ANO2: variants seen among roughly 807,000 people sequenced by gnomAD.
ANO2 encodes anoctamin 2, also known as anoctamin-2.
Under a neutral mutation model 124.2 loss-of-function variants are expected in ANO2, and 101 were observed. That is an observed-to-expected ratio of 0.81 (90% CI 0.69 to 0.96). The LOEUF is 0.96. Among genes scored for constraint, ANO2 ranks in the 40% least tolerant of loss-of-function variants. ANO2 has a pLI of 0.00. For missense variants in ANO2, 1,293 were observed against 1,274.5 expected, an observed-to-expected ratio of 1.01 and a Z score of -0.22; for synonymous variants, 486 against 482.5, an observed-to-expected ratio of 1.01 and a Z score of -0.09.
chr12:5,685,138 CCACTCCTGGGCTG>C (rs1311063853), intron 14 of ANO2, among the ~76,000 whole-genome samples: 5 of 152,178 alleles, frequency 3.3e-5, no homozygotes, highest in South Asian at 2.1e-4. Context: ...CGAGTCCTGT[CCACTCCTGGGCTG>C]GTGAGTGGCA....
At chr12:5,640,558 T>G (rs868056378) in intron 15 of ANO2, among the ~76,000 whole-genome samples, 101 of 152,008 alleles carry the variant, frequency 6.6e-4, no homozygotes, top group Middle Eastern at 6.8e-3. Flanking sequence ...TCAAAAAGGG[T>G]GCAAAGGATA....
intron 14 of ANO2, among the ~76,000 whole-genome samples, chr12:5,686,075 G>T (rs1023598657): frequency 1.3e-5 from 2 of 152,172 alleles, no homozygotes; most frequent in African/African-American, 4.8e-5. Flanking sequence ...AGGCAAGGGG[G>T]ATAACCTCCA....
chr12:5,840,844 C>T (rs1184910432), intron 4 of ANO2, among the ~76,000 whole-genome samples: 2 of 152,140 alleles, frequency 1.3e-5, no homozygotes, highest in African/African-American at 2.4e-5. Flanking sequence ...GCTGGATCAT[C>T]GAAGTTCCAT....
intron 14 of ANO2, among the ~76,000 whole-genome samples, chr12:5,690,047 G>C (rs1211321594): frequency 6.6e-6 from 1 of 152,074 alleles, no homozygotes; most frequent in African/African-American, 2.4e-5. Flanking sequence ...CCCTGTACAA[G>C]CAGGCACAGC....
intron 12 of ANO2, chr12:5,739,805 T>C (rs1951025555): frequency 8.9e-6 from 4 of 450,402 alleles, no homozygotes; most frequent in Non-Finnish European, 4.5e-6. Context: ...GCACTGTCAC[T>C]TTTTCCCTAC....
chr12:5,615,345 C>CCCAA, intron 16 of ANO2, 48 bp from the exon 17 acceptor site: 1 of 1,460,994 alleles, frequency 6.8e-7, no homozygotes, highest in Non-Finnish European at 9.5e-7. Context: ...GATTTCTCAC[C>CCCAA]TCTCCAGAGT....
chr12:5,665,088 C>T (rs1462174518), intron 14 of ANO2, among the ~76,000 whole-genome samples: 3 of 152,080 alleles, frequency 2.0e-5, no homozygotes, highest in Non-Finnish European at 2.9e-5. Context: ...CTTGCATCTC[C>T]GTGACATTCT....
chr12:5,648,448 G>A (rs1315523571), intron 14 of ANO2, among the ~76,000 whole-genome samples: 1 of 152,168 alleles, frequency 6.6e-6, no homozygotes, highest in Non-Finnish European at 1.5e-5. Flanking sequence ...CAACTTGGCT[G>A]AGAATCCTAC....
At chr12:5,739,423 A>C in intron 12 of ANO2, 24 bp from the exon 13 acceptor site, 1 of 1,564,946 alleles carries the variant, frequency 6.4e-7, no homozygotes, top group South Asian at 1.2e-5. Context: ...ACAAGAACAA[A>C]AACCTTGATT....
At chr12:5,657,789 CA>C (rs1166120467) in intron 14 of ANO2, among the ~76,000 whole-genome samples, 1 of 151,020 alleles carries the variant, frequency 6.6e-6, no homozygotes, top group Non-Finnish European at 1.5e-5. Context: ...AATAATCTGG[CA>C]GCCAATGCTA....
chr12:5,914,028 T>C (rs565217049), intron 3 of ANO2, among the ~76,000 whole-genome samples: 26 of 151,898 alleles, frequency 1.7e-4, no homozygotes, highest in Non-Finnish European at 2.6e-4. Context: ...GGTGAAACCC[T>C]GTCTCTACTA....
intron 20 of ANO2, among the ~76,000 whole-genome samples, chr12:5,586,349 G>A (rs1040894205): frequency 2.6e-5 from 4 of 152,292 alleles, no homozygotes; most frequent in African/African-American, 4.8e-5. Context: ...GTGTTTAAAC[G>A]CCATTTGGAG....
rs1242367259 is a variant in ANO2 at position 5,563,164 on chromosome 12, A to G, written c.*135T>C. On this transcript the variant is annotated 3_prime_UTR_variant, in exon 25 of 25. Transcript: ENST00000682330. ...ATTCTGTCAGGCTCTTTCTTTTTAC[A>G]CACTGCCCCCTCTTCAAGACCCCAT... The G allele has an allele frequency of 5.0e-5, 59 of 1,180,110 alleles. No individual in the cohort carries two copies. Among genetic ancestry groups the G allele is most frequent in the Non-Finnish European group, 6.8e-5 (59 of 865,678 alleles). 73.1% of individuals were successfully genotyped at this position (1,180,110 alleles called of 1,614,324 possible).
chr12:5,576,652 C>G (rs1231345941), intron 22 of ANO2, among the ~76,000 whole-genome samples: 1 of 152,216 alleles, frequency 6.6e-6, no homozygotes, highest in African/African-American at 2.4e-5. Context: ...TCTAAGTGCT[C>G]TATAAATGTC....
At chr12:5,933,260 A>G (rs1161298374) in intron 1 of ANO2, among the ~76,000 whole-genome samples, 2 of 152,206 alleles carry the variant, frequency 1.3e-5, no homozygotes, top group East Asian at 3.9e-4. Context: ...GAAACTCCAG[A>G]GAATGAACTG....
intron 19 of ANO2, among the ~76,000 whole-genome samples, chr12:5,606,252 G>A (rs1565465818): frequency 6.6e-6 from 1 of 152,152 alleles, no homozygotes; most frequent in Non-Finnish European, 1.5e-5. Context: ...GGAAGATCCT[G>A]CACTTGGCCT....
intron 3 of ANO2, among the ~76,000 whole-genome samples, chr12:5,857,223 T>G (rs987045976): frequency 6.6e-6 from 1 of 152,204 alleles, no homozygotes; most frequent in Non-Finnish European, 1.5e-5. Flanking sequence ...GCCCTGCCTG[T>G]GGATGTGGGT....
At chr12:5,777,828 G>A (rs1952274568) in intron 10 of ANO2, among the ~76,000 whole-genome samples, 1 of 152,156 alleles carries the variant, frequency 6.6e-6, no homozygotes, top group African/African-American at 2.4e-5. Flanking sequence ...AAAAGCGACT[G>A]CAAGGAGGTG....
chr12:5,893,486 T>TTTC (rs1254885108), intron 3 of ANO2, among the ~76,000 whole-genome samples: 1 of 151,828 alleles, frequency 6.6e-6, no homozygotes, highest in Admixed American at 6.6e-5. Flanking sequence ...TTTCCCTTTT[T>TTTC]TTCTTTTTTT....
Sources: gnomAD v4.1 joint callset for allele counts (sites outside exome capture counted in the v4.1 genomes callset) on GRCh38, gnomAD v4.1.1 for gene constraint, MANE v1.5 for transcripts, NCBI Gene and HGNC (gene_info 2026-07-23, HGNC 2026-07-21) for gene names.